Variants in GLP1R observed in about 807,000 individuals in gnomAD.
GLP1R encodes the protein glucagon like peptide 1 receptor.
In GLP1R, 32 loss-of-function variants were observed where a neutral mutation model predicts 68.4. That is an observed-to-expected ratio of 0.47 (90% confidence interval 0.35 to 0.63). The LOEUF (loss-of-function observed/expected upper bound fraction) is 0.63. Ranked by LOEUF, GLP1R falls within the 20% of genes least tolerant of loss-of-function variation. The probability of loss-of-function intolerance (pLI) is 0.00; values close to 1 mark genes in which losing one functional copy is unlikely to be tolerated. For missense variants in GLP1R, 502 were observed against 594.9 expected (o/e 0.84, Z 1.62); for synonymous variants, 263 against 244.4 (o/e 1.08, Z -0.71).
rs932623034 is a variant in GLP1R, at chr6:39,056,278, G to C, written c.79-119G>C. 5.1e-6 allele frequency: 3 copies of C among 588,230 alleles called. No homozygotes were observed. The East Asian group carries it at 8.5e-5, about 17-fold the overall frequency. The allele number at this position is 588,230 out of a possible 1,614,324, so 36.4% of individuals were successfully genotyped here. A position where few individuals can be genotyped will look rare whatever the true frequency, so the allele number is the denominator to read the frequency against. ...TCTCTTTCAGAGGTGGCTGATGCCT[G>C]GCAGAATTTGGGGCTTTGAGGTTTC... On this transcript the variant is annotated intron_variant, in intron 1 of 12. Coordinates refer to ENST00000373256, the MANE Select transcript of GLP1R (RefSeq NM_002062.5).
intron 7 of GLP1R, among the ~76,000 whole-genome samples, chr6:39,076,288 A>C (rs1397362482): frequency 6.6e-6 from 1 of 152,008 alleles, no homozygotes; most frequent in Non-Finnish European, 1.5e-5. Flanking sequence ...TTCCATTCTC[A>C]CTGGGCATCT....
chr6:39,082,930 TC>T (rs1220038381), intron 12 of GLP1R, among the ~76,000 whole-genome samples: 1 of 151,366 alleles, frequency 6.6e-6, no homozygotes, highest in Non-Finnish European at 1.5e-5. Flanking sequence ...GTGCTTGGCT[TC>T]CCCCCCGCCA....
rs767188992 is a variant in GLP1R at position 39,078,358 on chromosome 6, T to A, written c.860T>A (p.Val287Asp). Residue 287 changes from valine (V) to aspartate (D), a missense_variant, in exon 8 of 13, where the codon GTC (valine) becomes GAC (aspartate). By Grantham distance (152) the Val-to-Asp change is radical. Coordinates refer to ENST00000373256, the MANE Select transcript of GLP1R (RefSeq NM_002062.5). ...PLLFVVPWGI[V>D]KYLYEDEGCW... is the part of the protein sequence containing the mutation. ...CTGTTTGTTGTCCCCTGGGGCATTG[T>A]CAAGTACCTCTATGAGGACGAGGGG... The A allele has an allele frequency of 1.2e-6, 2 of 1,612,814 alleles. No homozygotes were observed. The highest frequency in any genetic ancestry group is 8.5e-7 in the Non-Finnish European group (1 of 1,178,848).
chr6:39,060,663 A>G (rs1309544544), intron 3 of GLP1R, among the ~76,000 whole-genome samples: 4 of 152,216 alleles, frequency 2.6e-5, no homozygotes, highest in Admixed American at 1.3e-4. Context: ...TCTTCTGCCA[A>G]TGCCTCCCAC....
At chr6:39,056,601 T>C (rs1020354735) in intron 2 of GLP1R, 108 bp downstream of exon 2, 2 of 630,258 alleles carry the variant, frequency 3.2e-6, no homozygotes, top group African/African-American at 3.6e-5. Flanking sequence ...CTCTATAGGA[T>C]GCCACCCCTG....
chr6:39,073,837 C>A (rs1388961724), intron 7 of GLP1R, 68 bp downstream of exon 7: 2 of 1,439,240 alleles, frequency 1.4e-6, no homozygotes, highest in Non-Finnish European at 1.9e-6. Context: ...CCTCTTCTAA[C>A]ATGGTACTTG....
In GLP1R at chr6:39,049,537, C is replaced by G. The variant is rs997667536; in HGVS notation, c.78+619C>G. Among the ~76,000 whole-genome samples the G allele has an allele frequency of 6.6e-6, 1 of 152,132 alleles. No individual in the cohort carries two copies. Among genetic ancestry groups the G allele is most frequent in the South Asian group, 2.1e-4 (1 of 4,824 alleles). ...GACCTCCCAGATGGAACCTACCCCC[C>G]GTCCCCTACCAGCCTCTGTAGCAAA... On this transcript the variant is annotated intron_variant, in intron 1 of 12. Transcript: ENST00000373256. The surrounding 1 kb of genome is among the most constrained non-coding windows in gnomAD (Gnocchi z 4.5).
At chr6:39,085,424 G>C (rs1278538105) in intron 12 of GLP1R, among the ~76,000 whole-genome samples, 1 of 152,174 alleles carries the variant, frequency 6.6e-6, no homozygotes, top group East Asian at 1.9e-4. Context: ...GTGAGGTGCT[G>C]GGGCCTGGAG....
intron 3 of GLP1R, among the ~76,000 whole-genome samples, chr6:39,062,599 C>T (rs1407339282): frequency 6.6e-6 from 1 of 152,196 alleles, no homozygotes; most frequent in African/African-American, 2.4e-5. Context: ...GCCGGGGGTC[C>T]ACACTGGCAA....
At position 39,082,037 on chromosome 6, in the gene GLP1R, C is replaced by T. The variant is rs562201753; in HGVS notation, c.1224+1298C>T. ...GCTCAGTAAGCAATCACTATTAGATCAGTATTCAGTGATTCCCAGAGACAG... is the reference window on the plus strand; with the variant it reads ...GCTCAGTAAGCAATCACTATTAGATTAGTATTCAGTGATTCCCAGAGACAG... On this transcript the variant is annotated intron_variant, in intron 12 of 12. Transcript: ENST00000373256. Among the ~76,000 whole-genome samples the T allele has an allele frequency of 3.9e-5, 6 of 152,242 alleles. No individual in the cohort carries two copies. The South Asian group carries it at 1.0e-3, about 26-fold the overall frequency.
At chr6:39,057,365 G>T in intron 2 of GLP1R, 107 bp from the exon 3 acceptor site, 1 of 719,912 alleles carries the variant, frequency 1.4e-6, no homozygotes, top group Non-Finnish European at 2.5e-6. Context: ...TTCAGCAGAG[G>T]TTAGTGGCAT....
At chr6:39,072,629 G>C (rs1232443254) in intron 5 of GLP1R, among the ~76,000 whole-genome samples, 5 of 152,240 alleles carry the variant, frequency 3.3e-5, no homozygotes, top group African/African-American at 1.2e-4. Flanking sequence ...ATAGAATGTG[G>C]ATGGGAGGAG....
chr6:39,077,906 A>T (rs1768873973), intron 7 of GLP1R, among the ~76,000 whole-genome samples: 2 of 152,192 alleles, frequency 1.3e-5, no homozygotes, highest in Non-Finnish European at 2.9e-5. Flanking sequence ...GTTGACTGGC[A>T]ACGTGGGCTG....
chr6:39,073,784 C>A lies in GLP1R; in HGVS notation c.823+15C>A, dbSNP rs772315029. ...CATAGGCTGGGGTAAGAACCGCCAT[C>A]ACCCACCCTGGACCTGTGGCACGGG... On this transcript the variant is annotated intron_variant, in intron 7 of 12. Coordinates refer to ENST00000373256, the MANE Select transcript of GLP1R (RefSeq NM_002062.5). 2.5e-6 allele frequency: 4 copies of A among 1,612,712 alleles called. No individual in the cohort carries two copies. In the South Asian group the frequency reaches 4.4e-5, roughly 18 times the overall value.
At chr6:39,059,155 A>C (rs148249879) in intron 3 of GLP1R, among the ~76,000 whole-genome samples, 1 of 152,232 alleles carries the variant, frequency 6.6e-6, no homozygotes, top group South Asian at 2.1e-4. Context: ...GCCTGGGCCC[A>C]TCAGTGGCCT....
At chr6:39,076,293 G>A (rs1157527696) in intron 7 of GLP1R, among the ~76,000 whole-genome samples, 2 of 152,148 alleles carry the variant, frequency 1.3e-5, no homozygotes, top group Admixed American at 6.5e-5. Context: ...TTCTCACTGG[G>A]CATCTTCTAT....
chr6:39,066,349 C>T (rs954998751), intron 5 of GLP1R, 46 bp downstream of exon 5: 4 of 1,019,536 alleles, frequency 3.9e-6, no homozygotes, highest in Non-Finnish European at 4.6e-6. Context: ...ATCCTAACTC[C>T]CCCAGATAGA....
At position 39,065,842 on chromosome 6, in the gene GLP1R, G is replaced by C; in HGVS notation, c.402+13G>C. 11 of 1,511,906 alleles carry C rather than the reference G, an allele frequency of 7.3e-6. No homozygotes were observed. Among genetic ancestry groups the C allele is most frequent in the Non-Finnish European group, 1.0e-5 (11 of 1,089,288 alleles). 93.7% of individuals were successfully genotyped at this position (1,511,906 alleles called of 1,614,324 possible). ...GCGAGGGGAAAGAGTGAGTTGAGGC[G>C]GGGTTCTGAGCCAGGGAGCGGGGAG... On this transcript the variant is annotated intron_variant, in intron 4 of 12. Transcript: ENST00000373256.
chr6:39,073,149 G>C, intron 6 of GLP1R, 134 bp downstream of exon 6: 1 of 778,026 alleles, frequency 1.3e-6, no homozygotes, highest in Non-Finnish European at 2.0e-6. Flanking sequence ...CCCCCAGTCT[G>C]ATGGGAGAGG....
Sources: gnomAD v4.1 joint callset for allele counts (sites outside exome capture counted in the v4.1 genomes callset) on GRCh38, gnomAD v4.1.1 for gene constraint, Gnocchi (gnomAD v3.1) non-coding constraint, MANE v1.5 for transcripts, NCBI Gene and HGNC (gene_info 2026-07-23, HGNC 2026-07-21) for gene names.